Variants in COL16A1 observed in about 807,000 individuals in gnomAD.
COL16A1 encodes collagen alpha-1(XVI) chain.
Under a neutral mutation model 266.3 loss-of-function variants are expected in COL16A1, and 189 were observed. The ratio of observed to expected loss-of-function variants is 0.71; its 90% CI spans 0.63 to 0.80. COL16A1 has a LOEUF of 0.80. COL16A1 is among the 30% of genes least tolerant of loss of function. The pLI is 0.00. For synonymous variants in COL16A1, 740 were observed against 782.3 expected, an observed-to-expected ratio of 0.95 and a Z score of 0.90; for missense variants, 1,928 against 2,122.4, an observed-to-expected ratio of 0.91 and a Z score of 1.80.
intron 1 of COL16A1, among the ~76,000 whole-genome samples, chr1:31,702,480 A>G (rs1002062100): frequency 6.6e-6 from 1 of 152,210 alleles, no homozygotes. Flanking sequence ...AAAGCTGCCT[A>G]CTGCACTGAA....
intron 70 of COL16A1, 110 bp downstream of exon 70, chr1:31,653,489 A>C: frequency 7.7e-7 from 1 of 1,290,940 alleles, no homozygotes; most frequent in Non-Finnish European, 1.1e-6. Context: ...AATGTGGTTG[A>C]CTGGCCTGTC....
chr1:31,696,329 C>A (rs983769772), intron 8 of COL16A1, among the ~76,000 whole-genome samples, 188 bp from the exon 9 acceptor site: 3 of 139,692 alleles, frequency 2.1e-5, no homozygotes, highest in Non-Finnish European at 4.7e-5. Flanking sequence ...TCCTTCCCCC[C>A]CCACCCACCC....
intron 36 of COL16A1, 28 bp downstream of exon 36, chr1:31,683,166 C>T: frequency 6.2e-7 from 1 of 1,614,072 alleles, no homozygotes. Context: ...ATACTGCAGG[C>T]CCAATACCCA....
chr1:31,653,709 T>C, intron 69 of COL16A1, 33 bp from the exon 70 acceptor site: 4 of 1,601,474 alleles, frequency 2.5e-6, no homozygotes, highest in Admixed American at 1.7e-5. Context: ...GTCCTATCCC[T>C]GAGCAGAAAA....
rs992313643 is a variant in COL16A1 at position 31,684,147 on chromosome 1, C to A, written c.2245G>T (p.Glu749Ter). Residue 749 changes from glutamate to a stop codon, truncating the protein, a stop_gained, in exon 32 of 71, where the codon GAG becomes TAG. Coordinates refer to ENST00000373672, the MANE Select transcript of COL16A1 (RefSeq NM_001856.4). LOFTEE classifies it high-confidence loss of function. ...CGGCCCACGCCTTCGGGGCCCTGCT[C>A]TCCTTTGGGGCCGGGCTGCCCAGGC... is the stretch of plus-strand genomic sequence containing the variant. ...GRPGQPGPKG[E>*]QGPEGVGRPG... is the part of the protein sequence containing the mutation. The A allele has an allele frequency of 5.1e-6, 8 of 1,554,186 alleles. No individual in the cohort carries two copies. The highest frequency in any genetic ancestry group is 2.7e-5 in the African/African-American group (2 of 73,504).
chr1:31,672,345 G>A (rs1642792126), intron 47 of COL16A1, 71 bp downstream of exon 47: 1 of 1,565,284 alleles, frequency 6.4e-7, no homozygotes, highest in South Asian at 1.1e-5. Context: ...GGCCTCGGAG[G>A]CCCCCAAGAG....
intron 54 of COL16A1, 94 bp from the exon 55 acceptor site, chr1:31,665,712 AC>A (rs1642074400): frequency 6.3e-7 from 1 of 1,590,764 alleles, no homozygotes; most frequent in Non-Finnish European, 8.6e-7. Context: ...GCACCCTCAA[AC>A]CCATGGGCTT....
At position 31,655,492 on chromosome 1, in the gene COL16A1, C is replaced by T. The variant is rs766330027; in HGVS notation, c.4112G>A (p.Gly1371Glu). ...YGPPGPKGDPGAAGQKGQAGE... is the reference protein window; with the variant it reads ...YGPPGPKGDPEAAGQKGQAGE... ...TGCCTGGCCCTTCTGTCCTGCAGCT[C>T]CTGGATCACCCTACAAAGATAGATA... The change falls in exon 67 of 71, where the codon GGA (glycine) becomes GAA (glutamate). Residue 1371 changes from glycine (G) to glutamate (E), a missense_variant. This residue lies in a region of COL16A1 where 376 missense variants were observed against 485.2 expected (regional missense o/e 0.77). Transcript: ENST00000373672. 115 of 1,613,812 alleles carry T rather than the reference C, an allele frequency of 7.1e-5. No homozygotes were observed. The highest frequency in any genetic ancestry group is 9.5e-5 in the Non-Finnish European group (112 of 1,179,866).
Position 31,685,674 on chromosome 1 carries a change from G to T in COL16A1, c.1981C>A (p.Pro661Thr), listed in dbSNP as rs750544451. Residue 661 changes from proline (P) to threonine (T), a missense_variant, in exon 29 of 71, where the codon CCT becomes ACT. Around this residue, in one of 2 missense-constraint regions of COL16A1, gnomAD observed 1,552 missense variants for 1,637.2 expected, o/e 0.95. Coordinates refer to ENST00000373672, the MANE Select transcript of COL16A1 (RefSeq NM_001856.4). This position sits in a 1 kb window ranked among gnomAD's most constrained non-coding sequence, Gnocchi z 4.0. ...LPGPSGEKGEPGPPGFGLPGK... is the reference protein window; with the variant it reads ...LPGPSGEKGETGPPGFGLPGK... The stretch of plus-strand genomic sequence containing the variant: ...GGCAAGCCAAAGCCTGGAGGCCCAG[G>T]TTCCCCCTTCTCTCCGGATGGGCCA... 6.2e-7 allele frequency: 1 copy of T among 1,613,976 alleles called. No homozygotes were observed. Among genetic ancestry groups the T allele is most frequent in the South Asian group, 1.1e-5 (1 of 91,076 alleles).
At position 31,679,797 on chromosome 1, in the gene COL16A1, G is replaced by A. The variant is rs769115856; in HGVS notation, c.2718+7C>T. 3.4e-5 allele frequency: 54 copies of A among 1,571,248 alleles called. No individual in the cohort carries two copies. The highest frequency in any genetic ancestry group is 2.2e-4 in the Middle Eastern group (1 of 4,540). ...CGCTGGCGGACAAGAGGAGACAAGC[G>A]ACACACCTGCGGGCCCGGCTGCCAG... On this transcript the variant is annotated splice_region_variant and intron_variant, in intron 41 of 70. Coordinates refer to ENST00000373672, the MANE Select transcript of COL16A1 (RefSeq NM_001856.4).
chr1:31,696,909 G>T, intron 8 of COL16A1, 54 bp downstream of exon 8: 1 of 1,608,256 alleles, frequency 6.2e-7, no homozygotes, highest in Non-Finnish European at 8.5e-7. Flanking sequence ...CTCAGGGGAG[G>T]GGTATCTCAC....
chr1:31,697,717 A>C lies in COL16A1; in HGVS notation c.657+189T>G, dbSNP rs1025653733. On this transcript the variant is annotated intron_variant, in intron 6 of 70. Transcript: ENST00000373672. The surrounding 1 kb of genome is among the most constrained non-coding windows in gnomAD (Gnocchi z 4.2). Reference sequence around the variant, plus strand: ...TGTAAAGGAAGATGGTGCTGCAGACACTTATAAGGACCAGATCATGAAGGG... The same window carrying C: ...TGTAAAGGAAGATGGTGCTGCAGACCCTTATAAGGACCAGATCATGAAGGG... 6.6e-6 allele frequency among the ~76,000 whole-genome samples: 1 copy of C among 152,162 alleles called. No individual in the cohort carries two copies. The highest frequency in any genetic ancestry group is 2.4e-5 in the African/African-American group (1 of 41,446).
chr1:31,683,109 T>C (rs1461411736), intron 36 of COL16A1, 85 bp downstream of exon 36: 1 of 1,608,804 alleles, frequency 6.2e-7, no homozygotes, highest in Non-Finnish European at 8.5e-7. Flanking sequence ...CTGATAGGCA[T>C]CACTTGGCCC....
intron 62 of COL16A1, 59 bp downstream of exon 62, chr1:31,660,526 A>C (rs1641557065): frequency 1.2e-6 from 2 of 1,602,466 alleles, no homozygotes; most frequent in African/African-American, 2.7e-5. Flanking sequence ...ATGCACCACC[A>C]ACCACCCCGC....
chr1:31,695,801 G>A lies in COL16A1; in HGVS notation c.919-14C>T. On this transcript the variant is annotated splice_polypyrimidine_tract_variant and intron_variant, in intron 9 of 70. Coordinates refer to ENST00000373672, the MANE Select transcript of COL16A1 (RefSeq NM_001856.4). Reference sequence around the variant, plus strand: ...CTCCTGATGGACCTGAGGAAAGGGTGGGGGGTGTGGGAATGGGCAGGGAGC... The same window carrying A: ...CTCCTGATGGACCTGAGGAAAGGGTAGGGGGTGTGGGAATGGGCAGGGAGC... 1.2e-6 allele frequency: 2 copies of A among 1,610,278 alleles called. No individual in the cohort carries two copies. The highest frequency in any genetic ancestry group is 1.7e-6 in the Non-Finnish European group (2 of 1,177,044).
intron 51 of COL16A1, 95 bp from the exon 52 acceptor site, chr1:31,667,723 C>G (rs1018758720): frequency 1.1e-5 from 14 of 1,241,034 alleles, no homozygotes; most frequent in Non-Finnish European, 1.6e-5. Flanking sequence ...GGCACCCAGA[C>G]TGGCTCTGGG....
At chr1:31,654,442 A>G (rs1640919243) in intron 68 of COL16A1, among the ~76,000 whole-genome samples, 1 of 150,346 alleles carries the variant, frequency 6.7e-6, no homozygotes, top group Non-Finnish European at 1.5e-5. Flanking sequence ...AATGAACAGA[A>G]AAAAACACTT....
intron 49 of COL16A1, among the ~76,000 whole-genome samples, chr1:31,669,178 G>A (rs937332983): frequency 3.3e-5 from 5 of 152,112 alleles, no homozygotes. Flanking sequence ...CATGGTAACT[G>A]ACTGGCGTAC....
chr1:31,698,395 C>T lies in COL16A1; in HGVS notation c.390+88G>A. 1 of 1,581,594 alleles carries T rather than the reference C, an allele frequency of 6.3e-7. No homozygotes were observed. Among genetic ancestry groups the T allele is most frequent in the Admixed American group, 1.7e-5 (1 of 58,618 alleles). On this transcript the variant is annotated intron_variant, in intron 5 of 70. Coordinates refer to ENST00000373672, the MANE Select transcript of COL16A1 (RefSeq NM_001856.4). This position sits in a 1 kb window ranked among gnomAD's most constrained non-coding sequence, Gnocchi z 4.1. ...TAGGCACAGGATGGAGCAGGGAGAC[C>T]CCAGAAGTCACAAGCCGGGATGAAA...
Sources: allele counts gnomAD v4.1 joint callset (sites outside exome capture counted in the v4.1 genomes callset), GRCh38; gene constraint gnomAD v4.1.1; regional missense constraint gnomAD v4.1.1; non-coding constraint Gnocchi (gnomAD v3.1); transcripts MANE v1.5; gene names NCBI Gene and HGNC (gene_info 2026-07-23, HGNC 2026-07-21).